The following CDK6 variants were observed in gnomAD, a reference collection of about 807,000 sequenced individuals.
CDK6 encodes the protein cyclin dependent kinase 6, also known as cyclin-dependent kinase 6.
Under a neutral mutation model 37.1 loss-of-function variants are expected in CDK6, and 6 were observed. That is an observed-to-expected ratio of 0.16 (90% CI 0.09 to 0.32). CDK6 has a LOEUF of 0.32. Among genes scored for constraint, CDK6 ranks in the 10% least tolerant of loss-of-function variants. The probability of loss-of-function intolerance (pLI) is 1.00; values close to 1 mark genes in which losing one functional copy is unlikely to be tolerated. For missense variants in CDK6, 224 were observed against 418.9 expected (o/e 0.53, Z 4.06); for synonymous variants, 160 against 161.3 (o/e 0.99, Z 0.06).
chr7:92,777,141 A>G (rs534253740), intron 2 of CDK6, among the ~76,000 whole-genome samples: 2 of 152,318 alleles, frequency 1.3e-5, no homozygotes, highest in Admixed American at 1.3e-4. Flanking sequence ...TTTTCCCAAC[A>G]TCATTTATTA....
chr7:92,697,818 C>A (rs979708355), intron 4 of CDK6, among the ~76,000 whole-genome samples: 11 of 152,160 alleles, frequency 7.2e-5, no homozygotes, highest in African/African-American at 2.4e-4. Flanking sequence ...GAAGAAGCTG[C>A]AATACTTGGT....
chr7:92,773,364 G>A (rs557900124), intron 3 of CDK6, among the ~76,000 whole-genome samples: 2 of 152,324 alleles, frequency 1.3e-5, no homozygotes, highest in Admixed American at 6.5e-5. Context: ...GAAATGGCAT[G>A]AGAAGGAAGG....
chr7:92,824,578 T>A (rs2106930), intron 2 of CDK6, among the ~76,000 whole-genome samples: 31,266 of 151,888 alleles, frequency 0.21, 4,048 homozygotes, highest in African/African-American at 0.36. Flanking sequence ...GAAAGATTAT[T>A]TTTTACTTTA....
At chr7:92,772,251 T>C (rs1245945625) in intron 3 of CDK6, among the ~76,000 whole-genome samples, 2 of 152,176 alleles carry the variant, frequency 1.3e-5, no homozygotes, top group Admixed American at 1.3e-4. Context: ...CTAATTAGCT[T>C]TTAAGTTAGC....
intron 5 of CDK6, among the ~76,000 whole-genome samples, chr7:92,633,525 A>C (rs1007469107): frequency 2.6e-5 from 4 of 152,166 alleles, no homozygotes; most frequent in Admixed American, 6.6e-5. Flanking sequence ...TGGGCCAAAC[A>C]AAGGAAAGTT....
At chr7:92,818,090 T>C (rs548120701) in intron 2 of CDK6, among the ~76,000 whole-genome samples, 1 of 152,006 alleles carries the variant, frequency 6.6e-6, no homozygotes, top group Non-Finnish European at 1.5e-5. Context: ...GGAGAATTTT[T>C]GTGTTAACTA....
At chr7:92,668,027 C>T (rs912110911) in intron 5 of CDK6, among the ~76,000 whole-genome samples, 3 of 152,200 alleles carry the variant, frequency 2.0e-5, no homozygotes, top group Non-Finnish European at 4.4e-5. Flanking sequence ...CACTCACTCA[C>T]TGACTCACCC....
At chr7:92,764,715 G>T (rs1257389817) in intron 3 of CDK6, among the ~76,000 whole-genome samples, 1 of 152,110 alleles carries the variant, frequency 6.6e-6, no homozygotes, top group Non-Finnish European at 1.5e-5. Context: ...GGTTTGCAAG[G>T]CTTCATTATA....
intron 3 of CDK6, among the ~76,000 whole-genome samples, chr7:92,732,252 T>C (rs1798667016): frequency 6.6e-6 from 1 of 152,134 alleles, no homozygotes; most frequent in African/African-American, 2.4e-5. Context: ...ACCCTGTCTC[T>C]ACAAAAAACA....
Position 92,721,516 on chromosome 7 carries a change from C to T in CDK6, c.537+4110G>A, listed in dbSNP as rs576044923. 4.6e-5 allele frequency among the ~76,000 whole-genome samples: 7 copies of T among 152,240 alleles called. No homozygotes were observed. In the East Asian group the frequency reaches 9.7e-4, roughly 21 times the overall value. On this transcript the variant is annotated intron_variant, in intron 4 of 7. Coordinates refer to ENST00000424848, the MANE Select transcript of CDK6 (RefSeq NM_001145306.2). Reference sequence around the variant, plus strand: ...TACCATCCACATCTTAATTCTACAACCTTTAAAGAAAAAGGTATAATACTC... The same window carrying T: ...TACCATCCACATCTTAATTCTACAATCTTTAAAGAAAAAGGTATAATACTC...
intron 5 of CDK6, among the ~76,000 whole-genome samples, chr7:92,646,264 C>T (rs898665609): frequency 2.0e-5 from 3 of 152,188 alleles, no homozygotes; most frequent in East Asian, 3.8e-4. Context: ...TTATTACATG[C>T]TAACACATCA....
At chr7:92,799,407 C>T (rs1800509240) in intron 2 of CDK6, among the ~76,000 whole-genome samples, 1 of 152,140 alleles carries the variant, frequency 6.6e-6, no homozygotes, top group South Asian at 2.1e-4. Flanking sequence ...TTTTCTTTTA[C>T]TTCTCCCTCT....
At chr7:92,823,064 T>C (rs1801211893) in intron 2 of CDK6, among the ~76,000 whole-genome samples, 1 of 151,450 alleles carries the variant, frequency 6.6e-6, no homozygotes, top group Admixed American at 6.6e-5. Flanking sequence ...TGCCTAATGA[T>C]GGATTCACCT....
chr7:92,712,178 A>G (rs1036314926), intron 4 of CDK6, among the ~76,000 whole-genome samples: 1 of 151,352 alleles, frequency 6.6e-6, no homozygotes, highest in Non-Finnish European at 1.5e-5. Context: ...AAAAAGAACC[A>G]TGAGAGTTTA....
chr7:92,817,949 A>C (rs1326799293), intron 2 of CDK6, among the ~76,000 whole-genome samples: 2 of 151,956 alleles, frequency 1.3e-5, no homozygotes, highest in Non-Finnish European at 2.9e-5. Flanking sequence ...TTACACTAAA[A>C]GCTACAAAAC....
Position 92,759,059 on chromosome 7 carries a change from G to A in CDK6, c.369+15637C>T, listed in dbSNP as rs1355263079. 2.6e-5 allele frequency among the ~76,000 whole-genome samples: 4 copies of A among 152,126 alleles called. No homozygotes were observed. In the East Asian group the frequency reaches 7.7e-4, roughly 29 times the overall value. On this transcript the variant is annotated intron_variant, in intron 3 of 7. Transcript: ENST00000424848. ...TGTCAAAGGCTAGCCAACTATCCAT[G>A]TTCTATTTGTGAGTTAGGGAACTAC...
At chr7:92,712,878 G>GTATGTATT (rs1343099505) in intron 4 of CDK6, among the ~76,000 whole-genome samples, 2,797 of 127,858 alleles carry the variant, frequency 0.022, 87 homozygotes, top group African/African-American at 0.078. Flanking sequence ...ATGTATGTAT[G>GTATGTATT]TATTTATTTA....
intron 2 of CDK6, among the ~76,000 whole-genome samples, chr7:92,801,369 TTC>T (rs1296093570): frequency 6.6e-6 from 1 of 152,152 alleles, no homozygotes; most frequent in African/African-American, 2.4e-5. Flanking sequence ...CCTTCAAAGT[TTC>T]TTTCTTAAAT....
chr7:92,655,809 A>G (rs11773884), intron 5 of CDK6, among the ~76,000 whole-genome samples: 54,640 of 152,170 alleles, frequency 0.36, 10,533 homozygotes, highest in African/African-American at 0.5. Flanking sequence ...GCAAGTAAGT[A>G]CAATCCATAT....
Sources: allele counts gnomAD v4.1 joint callset (sites outside exome capture counted in the v4.1 genomes callset), GRCh38; gene constraint gnomAD v4.1.1; transcripts MANE v1.5; gene names NCBI Gene and HGNC (gene_info 2026-07-23, HGNC 2026-07-21).